MASP1: variants seen among roughly 807,000 people sequenced by gnomAD.
The protein encoded by MASP1 is mannan-binding lectin serine protease 1.
Under a neutral mutation model 77.1 loss-of-function variants are expected in MASP1, and 59 were observed. The ratio of observed to expected loss-of-function variants is 0.77; its 90% CI spans 0.62 to 0.95. The LOEUF is 0.95. Ranked by LOEUF, MASP1 falls within the 40% of genes least tolerant of loss-of-function variation. MASP1 has a pLI of 0.00. For missense variants in MASP1, 885 were observed against 912.9 expected (o/e 0.97, Z 0.39); for synonymous variants, 362 against 354.5 (o/e 1.02, Z -0.24).
At chr3:187,269,939 C>CGGCAT (rs1448301368) in intron 2 of MASP1, among the ~76,000 whole-genome samples, 2 of 152,100 alleles carry the variant, frequency 1.3e-5, no homozygotes, top group Non-Finnish European at 2.9e-5. Flanking sequence ...CAAGCCTGAA[C>CGGCAT]GGCTAATGGG....
At chr3:187,247,091 A>ATT (rs137929458) in intron 8 of MASP1, 254 of 1,396,452 alleles carry the variant, frequency 1.8e-4, no homozygotes, top group East Asian at 1.5e-3. Context: ...TAAATCCCAC[A>ATT]TTTTTTTTTC....
downstream of MASP1, chr3:187,229,804 A>T: frequency 6.2e-7 from 1 of 1,614,206 alleles, no homozygotes; most frequent in Non-Finnish European, 8.5e-7. Flanking sequence ...CAGGTGTGAC[A>T]GCATGGCAAT....
At chr3:187,289,476 G>A (rs1222293425) in intron 1 of MASP1, among the ~76,000 whole-genome samples, 2 of 152,208 alleles carry the variant, frequency 1.3e-5, no homozygotes, top group Admixed American at 6.5e-5. Context: ...GCTCACAGAA[G>A]AAGCTGGGTC....
intron 13 of MASP1, among the ~76,000 whole-genome samples, chr3:187,224,634 C>G (rs1304777575): frequency 2.6e-5 from 4 of 152,236 alleles, no homozygotes; most frequent in Admixed American, 2.6e-4. Context: ...GCGTGAGCCA[C>G]CGCGCCCGGC....
intron 2 of MASP1, chr3:187,263,313 A>G (rs3774279): frequency 0.28 from 42,816 of 154,784 alleles, 6,980 homozygotes; most frequent in Admixed American, 0.4. Context: ...ACATTAGAAT[A>G]TAAGCTACAG....
chr3:187,226,580 T>C, intron 11 of MASP1: 1 of 1,186,356 alleles, frequency 8.4e-7, no homozygotes, highest in Non-Finnish European at 1.2e-6. Context: ...TCCCTCTGTC[T>C]TGAGCTGAGG....
chr3:187,225,570 C>A, intron 12 of MASP1: 1 of 1,553,012 alleles, frequency 6.4e-7, no homozygotes, highest in South Asian at 1.1e-5. Flanking sequence ...ACACCTTGTT[C>A]CCTGTCAGCC....
chr3:187,288,692 C>G (rs139149612), intron 1 of MASP1, among the ~76,000 whole-genome samples: 2 of 152,280 alleles, frequency 1.3e-5, no homozygotes, highest in East Asian at 3.9e-4. Context: ...AATAGCGACA[C>G]CCAAATTATG....
At chr3:187,244,226 T>C (rs1315749025) in intron 8 of MASP1, 1 of 160,918 alleles carries the variant, frequency 6.2e-6, no homozygotes, top group Non-Finnish European at 1.4e-5. Flanking sequence ...GTGGATCAGC[T>C]TTCAGTCTTC....
At chr3:187,224,340 A>ATTTTTTT (rs1181826969) in intron 13 of MASP1, among the ~76,000 whole-genome samples, 3 of 102,064 alleles carry the variant, frequency 2.9e-5, no homozygotes, top group Non-Finnish European at 5.8e-5. Flanking sequence ...TGTGCTGAGT[A>ATTTTTTT]TTTTTTTTTT....
chr3:187,273,195 A>G (rs375685767), intron 2 of MASP1, among the ~76,000 whole-genome samples: 8 of 152,274 alleles, frequency 5.3e-5, no homozygotes, highest in African/African-American at 1.9e-4. Flanking sequence ...AATCTCGCTG[A>G]AGCCATCAGC....
rs1711957855 is a variant in MASP1 at position 187,220,201 on chromosome 3, CTT to C, written c.1968_1969del (p.Gly658ProfsTer12). 6 of 1,614,098 alleles carry C rather than the reference CTT, an allele frequency of 3.7e-6. No homozygotes were observed. The highest frequency in any genetic ancestry group is 8.5e-7 in the Non-Finnish European group (1 of 1,180,044). ...AGTGCCCACCAGGTACCACTGGCCT[CTT>C]TCTCTATTCAGGGTCACCATGGGGC... On this transcript the variant is annotated frameshift_variant, in exon 16 of 16. Transcript: ENST00000337774. LOFTEE classifies it high-confidence loss of function.
chr3:187,269,325 T>C (rs1046642523), intron 2 of MASP1, among the ~76,000 whole-genome samples: 8 of 152,288 alleles, frequency 5.3e-5, no homozygotes, highest in Admixed American at 2.6e-4. Context: ...AACTATATTC[T>C]GCTACATTGG....
chr3:187,260,926 A>G, intron 3 of MASP1, 54 bp from the exon 4 acceptor site: 3 of 1,609,426 alleles, frequency 1.9e-6, no homozygotes, highest in South Asian at 1.1e-5. Flanking sequence ...TGAAGACTAC[A>G]GCCAACATTT....
At position 187,235,146 on chromosome 3, in the gene MASP1, G is replaced by T; in HGVS notation, c.*538C>A. The T allele has an allele frequency of 7.8e-7, 1 of 1,287,552 alleles. No homozygotes were observed. Among genetic ancestry groups the T allele is most frequent in the South Asian group, 1.2e-5 (1 of 80,938 alleles). 79.8% of individuals were successfully genotyped at this position (1,287,552 alleles called of 1,614,324 possible). A position where few individuals can be genotyped will look rare whatever the true frequency, so the allele number is the denominator to read the frequency against. On this transcript the variant is annotated 3_prime_UTR_variant, in exon 11 of 11. Coordinates refer to ENST00000296280, the MANE Select transcript of MASP1 (RefSeq NM_139125.4). ...CAAGGGATCACACTAAGAGAGAGGG[G>T]CTTGGCTATGAGCCATCTCCCAAAA... is the stretch of plus-strand genomic sequence containing the variant.
At chr3:187,270,606 G>T (rs948386658) in intron 2 of MASP1, among the ~76,000 whole-genome samples, 2 of 152,036 alleles carry the variant, frequency 1.3e-5, no homozygotes, top group African/African-American at 2.4e-5. Context: ...CCCATGCCGT[G>T]GTCCCTATCC....
chr3:187,270,549 T>C (rs1716436509), intron 2 of MASP1, among the ~76,000 whole-genome samples: 1 of 152,276 alleles, frequency 6.6e-6, no homozygotes, highest in South Asian at 2.1e-4. Flanking sequence ...CACTTGCCCA[T>C]GCTATACTCA....
At chr3:187,219,541 C>A in exon 16 of MASP1, 1 of 162,956 alleles carries the variant, frequency 6.1e-6, no homozygotes, top group Non-Finnish European at 1.4e-5. Context: ...GGCAAAAAAG[C>A]ATACAGCATT....
chr3:187,260,851 C>T lies in MASP1; in HGVS notation c.437G>A (p.Arg146Lys), dbSNP rs900744691. ...GTCACAGGACAGCTCCTCGTCCTCC[C>T]TCTCCTTGCACTCGTCCACATCTGT... ...MAVDVDECKE[R>K]EDEELSCDHY... The change falls in exon 4 of 11, where the codon AGG (arginine) becomes AAG (lysine). Residue 146 changes from arginine (R) to lysine (K), a missense_variant. Coordinates refer to ENST00000296280, the MANE Select transcript of MASP1 (RefSeq NM_139125.4). 5.6e-6 allele frequency: 9 copies of T among 1,614,114 alleles called. No individual in the cohort carries two copies. Among genetic ancestry groups the T allele is most frequent in the South Asian group, 4.4e-5 (4 of 91,074 alleles).
Sources: allele counts gnomAD v4.1 joint callset (sites outside exome capture counted in the v4.1 genomes callset), GRCh38; gene constraint gnomAD v4.1.1; transcripts MANE v1.5; gene names NCBI Gene and HGNC (gene_info 2026-07-23, HGNC 2026-07-21).